The following SLC14A2 variants were observed in gnomAD, a reference collection of about 807,000 sequenced individuals.
SLC14A2 encodes urea transporter 2.
In SLC14A2, 91 loss-of-function variants were observed where a neutral mutation model predicts 104.6. That is an observed-to-expected ratio of 0.87 (90% CI 0.73 to 1.04). SLC14A2 has a LOEUF of 1.04. Ranked by LOEUF, SLC14A2 falls within the 50% of genes least tolerant of loss-of-function variation. The probability of loss-of-function intolerance (pLI) is 0.00; values close to 1 mark genes in which losing one functional copy is unlikely to be tolerated. For synonymous variants in SLC14A2, 476 were observed against 466.4 expected, an observed-to-expected ratio of 1.02 and a Z score of -0.27; for missense variants, 1,189 against 1,156.0, an observed-to-expected ratio of 1.03 and a Z score of -0.41.
intron 1 of SLC14A2, among the ~76,000 whole-genome samples, chr18:45,225,725 C>T (rs1209709745): frequency 8.0e-5 from 12 of 150,886 alleles, no homozygotes; most frequent in African/African-American, 2.9e-4. Flanking sequence ...AGTTGGATTC[C>T]TAGGTATTTT....
chr18:45,350,295 C>CACTAA (rs1319096214), intron 1 of SLC14A2, among the ~76,000 whole-genome samples: 1 of 152,222 alleles, frequency 6.6e-6, no homozygotes, highest in Non-Finnish European at 1.5e-5. Context: ...TACTAACATA[C>CACTAA]ACTAAACAGT....
At chr18:45,362,786 T>C (rs758589295) in intron 1 of SLC14A2, among the ~76,000 whole-genome samples, 12 of 152,184 alleles carry the variant, frequency 7.9e-5, no homozygotes, top group Non-Finnish European at 1.6e-4. Flanking sequence ...GCAGAAACTT[T>C]TATCCTGATA....
intron 1 of SLC14A2, among the ~76,000 whole-genome samples, chr18:45,276,798 C>T (rs561031145): frequency 1.3e-5 from 2 of 152,242 alleles, no homozygotes; most frequent in African/African-American, 2.4e-5. Flanking sequence ...ATTACTGTAC[C>T]GGTGCCCAGG....
chr18:45,255,747 T>C (rs1390013489), intron 1 of SLC14A2, among the ~76,000 whole-genome samples: 1 of 152,144 alleles, frequency 6.6e-6, no homozygotes, highest in African/African-American at 2.4e-5. Context: ...CAAATACTTG[T>C]GGTTTTAACT....
chr18:45,236,039 GTATATA>G (rs1462423368), intron 1 of SLC14A2, among the ~76,000 whole-genome samples: 2 of 41,470 alleles, frequency 4.8e-5, no homozygotes, highest in African/African-American at 1.8e-4. Context: ...ATATATGTGT[GTATATA>G]TGTGTATATA....
At chr18:45,647,656 G>C (rs759641392) in intron 10 of SLC14A2, 6 of 152,094 alleles carry the variant, frequency 3.9e-5, no homozygotes, top group African/African-American at 1.2e-4. Context: ...GGATACTATA[G>C]GTTTTAGAAT....
chr18:45,682,736 C>A lies in SLC14A2; in HGVS notation c.*217C>A. 1 of 520,850 alleles carries A rather than the reference C, an allele frequency of 1.9e-6. No individual in the cohort carries two copies. 32.3% of individuals were successfully genotyped at this position (520,850 alleles called of 1,614,324 possible). ...TTTAGTTTAGACTTTATACCCTTAGCTTTCCCATAAGAGCTCCCTTTGTGG... is the reference window on the plus strand; with the variant it reads ...TTTAGTTTAGACTTTATACCCTTAGATTTCCCATAAGAGCTCCCTTTGTGG... On this transcript the variant is annotated 3_prime_UTR_variant, in exon 20 of 20. Transcript: ENST00000255226.
chr18:45,621,319 G>A (rs183043769), intron 1 of SLC14A2, among the ~76,000 whole-genome samples: 2 of 152,312 alleles, frequency 1.3e-5, no homozygotes, highest in East Asian at 1.9e-4. Context: ...CCATTCCGGA[G>A]TTATGGCAGC....
At chr18:45,516,219 T>C (rs1043898071) in intron 2 of SLC14A2, among the ~76,000 whole-genome samples, 16 of 152,204 alleles carry the variant, frequency 1.1e-4, no homozygotes, top group Non-Finnish European at 2.1e-4. Flanking sequence ...CCCTCACTAC[T>C]GTTTCCCTTC....
At chr18:45,384,469 C>A (rs1208499696) in intron 1 of SLC14A2, among the ~76,000 whole-genome samples, 1 of 152,180 alleles carries the variant, frequency 6.6e-6, no homozygotes, top group East Asian at 1.9e-4. Context: ...AGCCCACCCA[C>A]CTCATAAGGG....
At chr18:45,594,417 T>C (rs1378734261) in intron 2 of SLC14A2, among the ~76,000 whole-genome samples, 1 of 152,170 alleles carries the variant, frequency 6.6e-6, no homozygotes, top group African/African-American at 2.4e-5. Context: ...GGTCAGAAAA[T>C]GGCACCGCAG....
Position 45,619,379 on chromosome 18 carries a change from G to A in SLC14A2, c.-35+3797G>A, listed in dbSNP as rs2045127123. On this transcript the variant is annotated intron_variant, in intron 1 of 19. Transcript: ENST00000255226. ...GCACTCGAATGTGAGCCCTTTGCAGGCAAGGACTGGGCCTTCCAGCAATGA... is the reference window on the plus strand; with the variant it reads ...GCACTCGAATGTGAGCCCTTTGCAGACAAGGACTGGGCCTTCCAGCAATGA... Among the ~76,000 whole-genome samples the A allele has an allele frequency of 2.6e-5, 4 of 152,238 alleles. No homozygotes were observed. In the South Asian group the frequency reaches 8.3e-4, roughly 31 times the overall value.
intron 1 of SLC14A2, among the ~76,000 whole-genome samples, chr18:45,333,028 A>C (rs2085304728): frequency 6.6e-6 from 1 of 152,226 alleles, no homozygotes; most frequent in South Asian, 2.1e-4. Context: ...CCTGAGCTAC[A>C]CAGCTCTGGC....
At chr18:45,186,947 G>C in the SLC14A2 span, among the ~76,000 whole-genome samples, 2 of 151,998 alleles carry the variant, frequency 1.3e-5, no homozygotes, top group East Asian at 3.9e-4. Flanking sequence ...ATCACCCCAA[G>C]GCTCTCCTTC....
chr18:45,497,655 T>C (rs1296618676), intron 2 of SLC14A2, among the ~76,000 whole-genome samples: 1 of 152,092 alleles, frequency 6.6e-6, no homozygotes. Context: ...ATGAGCACAT[T>C]AGAGACAAAG....
intron 1 of SLC14A2, among the ~76,000 whole-genome samples, chr18:45,300,438 A>C (rs28666632): frequency 0.02 from 2,824 of 141,784 alleles, 78 homozygotes; most frequent in African/African-American, 0.06. Context: ...AACCCTCCCC[A>C]AAAAAAAAAA....
intron 1 of SLC14A2, among the ~76,000 whole-genome samples, chr18:45,622,183 G>A (rs997211409): frequency 6.6e-6 from 1 of 152,208 alleles, no homozygotes; most frequent in African/African-American, 2.4e-5. Flanking sequence ...GAAAAAGTAG[G>A]GATATCCAAA....
chr18:45,539,318 G>T (rs1446247572), intron 2 of SLC14A2, among the ~76,000 whole-genome samples: 1 of 152,198 alleles, frequency 6.6e-6, no homozygotes, highest in Non-Finnish European at 1.5e-5. Context: ...CCTGGGCTTA[G>T]GTTATGTCTA....
intron 4 of SLC14A2, among the ~76,000 whole-genome samples, chr18:45,630,257 G>A (rs1352085759): frequency 2.6e-5 from 4 of 152,036 alleles, no homozygotes; most frequent in African/African-American, 9.7e-5. Context: ...TCTAGCCACT[G>A]GACACAACAT....
Sources: allele counts gnomAD v4.1 joint callset (sites outside exome capture counted in the v4.1 genomes callset), GRCh38; gene constraint gnomAD v4.1.1; transcripts MANE v1.5; gene names NCBI Gene and HGNC (gene_info 2026-07-23, HGNC 2026-07-21).